KIF3A: variants seen among roughly 807,000 people sequenced by gnomAD.
KIF3A encodes kinesin family member 3A.
Under a neutral mutation model 92.6 loss-of-function variants are expected in KIF3A, and 27 were observed. That is an observed-to-expected ratio of 0.29 (90% CI 0.21 to 0.40). KIF3A has a LOEUF of 0.40. Among genes scored for constraint, KIF3A ranks in the 10% least tolerant of loss-of-function variants. KIF3A has a pLI of 1.00. For synonymous variants in KIF3A, 250 were observed against 275.4 expected (o/e 0.91, Z 0.92); for missense variants, 581 against 872.6 (o/e 0.67, Z 4.21).
intron 18 of KIF3A, 58 bp downstream of exon 18, chr5:132,699,113 G>C: frequency 6.8e-7 from 1 of 1,473,114 alleles, no homozygotes; most frequent in East Asian, 2.3e-5. Flanking sequence ...TCCTGTACAT[G>C]TATCTAATTA....
chr5:132,724,167 G>A (rs141059797), intron 4 of KIF3A, among the ~76,000 whole-genome samples: 740 of 152,262 alleles, frequency 4.9e-3, no homozygotes, highest in African/African-American at 6.6e-3. Context: ...GAGAGGATGT[G>A]GAGAAACAGG....
chr5:132,714,440 A>AT (rs1217820848), intron 8 of KIF3A, among the ~76,000 whole-genome samples: 21 of 152,196 alleles, frequency 1.4e-4, no homozygotes, highest in African/African-American at 4.8e-4. Flanking sequence ...TTTAACCACA[A>AT]TTTTTTAAAA....
intron 4 of KIF3A, among the ~76,000 whole-genome samples, chr5:132,724,857 T>A (rs10052512): frequency 0.062 from 882 of 14,326 alleles, 133 homozygotes; most frequent in Middle Eastern, 0.3. Context: ...ATATATATAT[T>A]AAAAAATCAT....
chr5:132,703,703 T>C (rs1255407475), intron 11 of KIF3A, 84 bp from the exon 12 acceptor site: 2 of 900,846 alleles, frequency 2.2e-6, no homozygotes, highest in African/African-American at 1.7e-5. Flanking sequence ...AATATAGAAA[T>C]GCCTACACTC....
chr5:132,708,753 G>T (rs531672251), intron 10 of KIF3A, among the ~76,000 whole-genome samples, 154 bp downstream of exon 10: 2 of 152,178 alleles, frequency 1.3e-5, no homozygotes, highest in Admixed American at 6.5e-5. Context: ...GCAATGAAAG[G>T]GGGTGGAGGA....
In KIF3A at chr5:132,713,600, C is replaced by G. The variant is rs543088819; in HGVS notation, c.1129+2157G>C. Among the ~76,000 whole-genome samples, 3 of 151,760 alleles carry G rather than the reference C, an allele frequency of 2.0e-5. No individual in the cohort carries two copies. In the South Asian group the frequency reaches 6.2e-4, roughly 31 times the overall value. On this transcript the variant is annotated intron_variant, in intron 8 of 18. Coordinates refer to ENST00000403231, the MANE Select transcript of KIF3A (RefSeq NM_001300791.2). ...ATTAACAACAGTATTATCATAGAAT[C>G]CAGCAATTCCATTGCTGGGTACATA...
chr5:132,713,840 C>T (rs1490060218), intron 8 of KIF3A, among the ~76,000 whole-genome samples: 1 of 149,492 alleles, frequency 6.7e-6, no homozygotes, highest in Non-Finnish European at 1.5e-5. Context: ...AGGCATTATA[C>T]TAAATGAAAT....
intron 4 of KIF3A, among the ~76,000 whole-genome samples, chr5:132,724,294 T>C (rs1390205335): frequency 6.6e-6 from 1 of 152,202 alleles, no homozygotes; most frequent in African/African-American, 2.4e-5. Flanking sequence ...ATCCCATTAC[T>C]GGGTATATAT....
chr5:132,723,709 C>G (rs1451115315), intron 4 of KIF3A: 1 of 152,132 alleles, frequency 6.6e-6, no homozygotes, highest in Non-Finnish European at 1.5e-5. Flanking sequence ...AGAAGAAAAC[C>G]TAGGCAATAC....
At chr5:132,709,509 T>C (rs1561696923) in intron 9 of KIF3A, among the ~76,000 whole-genome samples, 2 of 152,242 alleles carry the variant, frequency 1.3e-5, no homozygotes, top group Non-Finnish European at 1.5e-5. Flanking sequence ...AAAGGCTCAC[T>C]GAAAATTTTT....
At chr5:132,732,063 A>G (rs1281662922) in intron 2 of KIF3A, among the ~76,000 whole-genome samples, 1 of 152,178 alleles carries the variant, frequency 6.6e-6, no homozygotes, top group Non-Finnish European at 1.5e-5. Flanking sequence ...CCAAAACATA[A>G]AAAAACTACT....
chr5:132,700,533 T>C, intron 16 of KIF3A, 114 bp downstream of exon 16: 1 of 733,582 alleles, frequency 1.4e-6, no homozygotes, highest in Non-Finnish European at 2.4e-6. Flanking sequence ...CCCTACTGGA[T>C]TCTCATCTGA....
At chr5:132,709,369 TACACAATAAA>T (rs1212222251) in intron 9 of KIF3A, among the ~76,000 whole-genome samples, 1 of 152,204 alleles carries the variant, frequency 6.6e-6, no homozygotes, top group East Asian at 1.9e-4. Flanking sequence ...CTCAAAGTCA[TACACAATAAA>T]TATTATAGGA....
chr5:132,725,543 T>C (rs1162959937), intron 4 of KIF3A, among the ~76,000 whole-genome samples: 2 of 152,120 alleles, frequency 1.3e-5, no homozygotes, highest in Non-Finnish European at 2.9e-5. Context: ...ACCACCTTCT[T>C]AATCCTAGAT....
At chr5:132,717,340 A>G (rs1561702993) in intron 5 of KIF3A, among the ~76,000 whole-genome samples, 1 of 152,218 alleles carries the variant, frequency 6.6e-6, no homozygotes, top group Non-Finnish European at 1.5e-5. Context: ...GGTGTACTGC[A>G]GGAAGTAAAA....
intron 1 of KIF3A, among the ~76,000 whole-genome samples, chr5:132,735,584 A>G (rs1281271054): frequency 1.3e-5 from 2 of 152,110 alleles, no homozygotes; most frequent in African/African-American, 2.4e-5. Flanking sequence ...ATACACTTCT[A>G]TCTATCTCTC....
At chr5:132,714,406 A>G (rs1753542274) in intron 8 of KIF3A, among the ~76,000 whole-genome samples, 1 of 152,252 alleles carries the variant, frequency 6.6e-6, no homozygotes, top group Non-Finnish European at 1.5e-5. Flanking sequence ...TGTGATTAAA[A>G]TGGTAAACTT....
chr5:132,702,039 C>T (rs1357357176), intron 15 of KIF3A, 48 bp downstream of exon 15: 1 of 1,554,770 alleles, frequency 6.4e-7, no homozygotes, highest in Non-Finnish European at 8.8e-7. Flanking sequence ...ATCTTTGTTC[C>T]TTAATCCCAG....
At chr5:132,721,636 A>G (rs1753828174) in intron 4 of KIF3A, 4 of 152,168 alleles carry the variant, frequency 2.6e-5, no homozygotes, top group Admixed American at 2.6e-4. Context: ...CTTTTATAAC[A>G]ATTGATAAGA....
Sources: gnomAD v4.1 joint callset for allele counts (sites outside exome capture counted in the v4.1 genomes callset) on GRCh38, gnomAD v4.1.1 for gene constraint, MANE v1.5 for transcripts, NCBI Gene and HGNC (gene_info 2026-07-23, HGNC 2026-07-21) for gene names.